The following CTNNA2 variants were observed in gnomAD, a reference collection of about 807,000 sequenced individuals.
CTNNA2 encodes the protein catenin alpha 2.
CTNNA2 carries 42 observed loss-of-function variants against 101.0 expected under a neutral mutation model. The observed-to-expected ratio is 0.42, with a 90% CI of 0.32 to 0.54. The LOEUF (loss-of-function observed/expected upper bound fraction) is 0.54. Ranked by LOEUF, CTNNA2 falls within the 20% of genes least tolerant of loss-of-function variation. The pLI is 0.14. For synonymous variants in CTNNA2, 450 were observed against 456.4 expected, an observed-to-expected ratio of 0.99 and a Z score of 0.18; for missense variants, 871 against 1,223.1, an observed-to-expected ratio of 0.71 and a Z score of 4.29.
chr2:79,462,915 G>A (rs1670894446), intron 4 of CTNNA2, among the ~76,000 whole-genome samples: 1 of 152,194 alleles, frequency 6.6e-6, no homozygotes, highest in African/African-American at 2.4e-5. Flanking sequence ...AAGCTGGGAT[G>A]TGTCCTTTTA....
At chr2:80,272,753 C>G (rs992619286) in intron 7 of CTNNA2, among the ~76,000 whole-genome samples, 6 of 152,064 alleles carry the variant, frequency 3.9e-5, no homozygotes, top group African/African-American at 1.4e-4. Context: ...TATTTGAGAC[C>G]TACTTATGCT....
chr2:80,066,089 T>G (rs1361340739), intron 7 of CTNNA2, among the ~76,000 whole-genome samples: 2 of 152,246 alleles, frequency 1.3e-5, no homozygotes, highest in Non-Finnish European at 2.9e-5. Flanking sequence ...GATCCCTGCC[T>G]TATGGCATCC....
At chr2:79,254,348 T>C (rs916599044) in intron 2 of CTNNA2, among the ~76,000 whole-genome samples, 2 of 152,134 alleles carry the variant, frequency 1.3e-5, no homozygotes, top group African/African-American at 2.4e-5. Flanking sequence ...TGGGAAGAGA[T>C]TGGGCCATGG....
chr2:79,940,715 T>C (rs1173886304), intron 7 of CTNNA2, among the ~76,000 whole-genome samples: 1 of 152,220 alleles, frequency 6.6e-6, no homozygotes. Flanking sequence ...TGGACCATCA[T>C]AGCTTAGCCT....
chr2:79,751,612 A>G (rs975705382), intron 3 of CTNNA2, among the ~76,000 whole-genome samples: 11 of 146,910 alleles, frequency 7.5e-5, no homozygotes, highest in East Asian at 1.9e-4. Context: ...AAAAAAAAAA[A>G]AAAGAAAGAA....
intron 7 of CTNNA2, among the ~76,000 whole-genome samples, chr2:80,140,003 A>T (rs1436036811): frequency 1.3e-5 from 2 of 152,174 alleles, no homozygotes; most frequent in Non-Finnish European, 2.9e-5. Flanking sequence ...CAGTATTTGG[A>T]CTTCAGAGTA....
At chr2:79,466,693 A>G (rs550825084) in intron 4 of CTNNA2, among the ~76,000 whole-genome samples, 9 of 152,318 alleles carry the variant, frequency 5.9e-5, no homozygotes, top group Non-Finnish European at 1.0e-4. Context: ...CAGAGGAAAA[A>G]TCAGGCAGCA....
chr2:79,993,198 CT>C lies in CTNNA2; in HGVS notation c.1056+83406del, dbSNP rs201973992. Among the ~76,000 whole-genome samples the C allele has an allele frequency of 7.2e-3, 1,100 of 152,272 alleles. 9 individuals carry two copies. The highest frequency in any genetic ancestry group is 0.025 in the African/African-American group (1,026 of 41,546). ...TTGTTCATTTTATCTATGAAATCTG[CT>C]TTTTAAATTAATCCCCTGCTGACAA... On this transcript the variant is annotated intron_variant, in intron 7 of 18. Transcript: ENST00000402739.
At chr2:80,039,257 A>G (rs180889813) in intron 7 of CTNNA2, among the ~76,000 whole-genome samples, 41 of 152,224 alleles carry the variant, frequency 2.7e-4, no homozygotes, top group Non-Finnish European at 5.9e-5. Flanking sequence ...CCACTGTGCC[A>G]CTATTTTTCT....
At chr2:79,236,420 A>G (rs559132651) in intron 2 of CTNNA2, among the ~76,000 whole-genome samples, 1 of 152,310 alleles carries the variant, frequency 6.6e-6, no homozygotes, top group South Asian at 2.1e-4. Context: ...CACATGAACC[A>G]CTGCACCTTT....
chr2:79,559,937 G>GAA (rs59312715), intron 1 of CTNNA2, among the ~76,000 whole-genome samples: 2 of 150,758 alleles, frequency 1.3e-5, no homozygotes, highest in Non-Finnish European at 3.0e-5. Context: ...CCGATTTACA[G>GAA]AAAAAAAAAG....
chr2:79,765,450 TG>T lies in CTNNA2; in HGVS notation c.298+20869del, dbSNP rs199900102. ...TTTACTGAAGTGGTTTTCAAACTTC[TG>T]TATGCATTAAAATCGCCTGGGGAGC... is the stretch of plus-strand genomic sequence containing the variant. On this transcript the variant is annotated intron_variant, in intron 3 of 18. Coordinates refer to ENST00000402739, the MANE Select transcript of CTNNA2 (RefSeq NM_001282597.3). 6.3e-3 allele frequency among the ~76,000 whole-genome samples: 967 copies of T among 152,294 alleles called. 20 individuals are homozygous for T. Among genetic ancestry groups the T allele is most frequent in the East Asian group, 0.057 (294 of 5,170 alleles).
At chr2:79,345,959 C>G (rs1265076867) in intron 3 of CTNNA2, among the ~76,000 whole-genome samples, 1 of 151,686 alleles carries the variant, frequency 6.6e-6, no homozygotes, top group Admixed American at 6.6e-5. Context: ...CTCGGCCTCC[C>G]AAAGTGCTAG....
At chr2:79,805,680 G>A (rs1173147932) in intron 3 of CTNNA2, among the ~76,000 whole-genome samples, 2 of 152,162 alleles carry the variant, frequency 1.3e-5, no homozygotes, top group Non-Finnish European at 2.9e-5. Flanking sequence ...GCTCATGCCT[G>A]TAATCCCAGC....
chr2:80,146,710 GTTTTTTTTTTTTT>G (rs34019123), intron 7 of CTNNA2, among the ~76,000 whole-genome samples: 8 of 61,764 alleles, frequency 1.3e-4, no homozygotes, highest in South Asian at 6.9e-4. Context: ...GTCCCCTCTG[GTTTTTTTTTTTTT>G]TTTTTTTTTT....
rs558595330 is a variant in CTNNA2 at position 80,281,169 on chromosome 2, A to G, written c.1057-112042A>G. On this transcript the variant is annotated intron_variant, in intron 7 of 18. Transcript: ENST00000402739. The stretch of plus-strand genomic sequence containing the variant: ...ACCAGAGATTAACTACACACAAATT[A>G]TATTCAGAAATGTCCCTGGATACTT... Among the ~76,000 whole-genome samples the G allele has an allele frequency of 9.9e-5, 15 of 152,210 alleles. No homozygotes were observed. The East Asian group carries it at 2.5e-3, about 26-fold the overall frequency.
chr2:80,281,032 C>T (rs538726029), intron 7 of CTNNA2, among the ~76,000 whole-genome samples: 39 of 152,140 alleles, frequency 2.6e-4, no homozygotes, highest in Middle Eastern at 6.8e-3. Flanking sequence ...TGCAGGGAAA[C>T]GCCATCATTT....
chr2:80,635,725 T>C (rs932488348), intron 18 of CTNNA2, among the ~76,000 whole-genome samples: 2 of 152,104 alleles, frequency 1.3e-5, no homozygotes, highest in African/African-American at 2.4e-5. Context: ...ATATGGTAAA[T>C]GGTTTTATGA....
At chr2:79,509,064 T>C (rs533691308), upstream of CTNNA2, among the ~76,000 whole-genome samples, 4 of 145,542 alleles carry the variant, frequency 2.7e-5, no homozygotes, top group East Asian at 8.0e-4. Flanking sequence ...AAATGAAAAT[T>C]AGAGTTAGAA....
Sources: allele counts gnomAD v4.1 joint callset (sites outside exome capture counted in the v4.1 genomes callset), GRCh38; gene constraint gnomAD v4.1.1; transcripts MANE v1.5; gene names NCBI Gene and HGNC (gene_info 2026-07-23, HGNC 2026-07-21).